Variants in ITGA1 observed in about 807,000 individuals in gnomAD.
ITGA1 encodes integrin subunit alpha 1.
Under a neutral mutation model 145.9 loss-of-function variants are expected in ITGA1, and 85 were observed. The observed-to-expected ratio is 0.58, with a 90% CI of 0.49 to 0.70. The LOEUF (loss-of-function observed/expected upper bound fraction) is 0.70, where lower values mean the gene tolerates loss of function less well. Ranked by LOEUF, ITGA1 falls within the 30% of genes least tolerant of loss-of-function variation. The pLI is 0.00. For missense variants in ITGA1, 1,351 were observed against 1,418.7 expected (o/e 0.95, Z 0.77); for synonymous variants, 520 against 495.3 (o/e 1.05, Z -0.66).
At chr5:52,885,706 G>A (rs1371438257) in intron 7 of ITGA1, among the ~76,000 whole-genome samples, 1 of 152,172 alleles carries the variant, frequency 6.6e-6, no homozygotes, top group East Asian at 1.9e-4. Context: ...GGGCTTTTAC[G>A]AGCTGAATGC....
At chr5:52,917,844 C>T (rs1418559920) in intron 15 of ITGA1, among the ~76,000 whole-genome samples, 3 of 152,210 alleles carry the variant, frequency 2.0e-5, no homozygotes, top group African/African-American at 7.2e-5. Flanking sequence ...TTTATATTTT[C>T]TATGAGTCCA....
At chr5:52,821,939 G>A (rs915214228) in intron 1 of ITGA1, among the ~76,000 whole-genome samples, 1 of 152,140 alleles carries the variant, frequency 6.6e-6, no homozygotes, top group Non-Finnish European at 1.5e-5. Flanking sequence ...TGATTTTTAT[G>A]TGTGATTTTG....
chr5:52,788,507 A>C, intron 1 of ITGA1, 93 bp downstream of exon 1: 1 of 1,075,884 alleles, frequency 9.3e-7, no homozygotes, highest in South Asian at 1.9e-5. Flanking sequence ...GCCAGATAGG[A>C]AGAGAGAGCG....
At chr5:52,811,544 A>C (rs2111685947) in intron 1 of ITGA1, among the ~76,000 whole-genome samples, 1 of 152,330 alleles carries the variant, frequency 6.6e-6, no homozygotes, top group Non-Finnish European at 1.5e-5. Context: ...TAGAAGGAGC[A>C]AATTCCAGAG....
intron 1 of ITGA1, among the ~76,000 whole-genome samples, chr5:52,840,142 A>T (rs957697312): frequency 5.9e-5 from 9 of 152,256 alleles, no homozygotes; most frequent in African/African-American, 2.2e-4. Flanking sequence ...TATAACTGGC[A>T]ATATCTTACT....
chr5:52,933,550 GAATTCAGCA>G (rs1291096265), intron 22 of ITGA1: 8 of 155,646 alleles, frequency 5.1e-5, no homozygotes, highest in African/African-American at 1.9e-4. Context: ...AATCTATTTA[GAATTCAGCA>G]TTACATTTTA....
chr5:52,845,338 C>A (rs1442608890), intron 1 of ITGA1, among the ~76,000 whole-genome samples: 1 of 152,062 alleles, frequency 6.6e-6, no homozygotes, highest in Non-Finnish European at 1.5e-5. Context: ...CTTCCATTAC[C>A]TGTATTGACA....
chr5:52,867,153 G>A (rs1412238512), intron 6 of ITGA1: 1 of 151,584 alleles, frequency 6.6e-6, no homozygotes, highest in South Asian at 2.1e-4. Flanking sequence ...ATACATACAT[G>A]TGTCTTCATG....
chr5:52,915,542 G>T lies in ITGA1; in HGVS notation c.1936G>T (p.Asp646Tyr). Residue 646 changes from aspartate to tyrosine, a missense_variant, in exon 15 of 29, where the codon GAC (aspartate) becomes TAC (tyrosine). Coordinates refer to ENST00000282588, the MANE Select transcript of ITGA1 (RefSeq NM_181501.2). Reference sequence around the variant, plus strand: ...CCACGGAGAAATGGATTTAAATGGTGACGGTCTGACAGATGTGACTATTGG... The same window carrying T: ...CCACGGAGAAATGGATTTAAATGGTTACGGTCTGACAGATGTGACTATTGG... ...SIHGEMDLNG[D>Y]GLTDVTIGGL... 1 of 1,614,054 alleles carries T rather than the reference G, an allele frequency of 6.2e-7. No homozygotes were observed. The highest frequency in any genetic ancestry group is 8.5e-7 in the Non-Finnish European group (1 of 1,179,988).
rs199753113 is a variant in ITGA1 at position 52,918,832 on chromosome 5, T to C, written c.2089T>C (p.Cys697Arg). 11 of 1,612,982 alleles carry C rather than the reference T, an allele frequency of 6.8e-6. No individual in the cohort carries two copies. Among genetic ancestry groups the C allele is most frequent in the Admixed American group, 1.7e-5 (1 of 59,858 alleles). The change falls in exon 16 of 29, where the codon TGC (cysteine) becomes CGC (arginine). Residue 697 changes from cysteine to arginine, a missense_variant. By Grantham distance (180) the Cys-to-Arg change is radical. Transcript: ENST00000282588. Reference protein sequence around the residue: ...NCHMEGKETVCINATVCFDVK... With the variant: ...NCHMEGKETVRINATVCFDVK... ...CCATATGGAGGGAAAGGAAACAGTA[T>C]GCATAAATGCTACAGTGTGTTTTGA...
rs1321874604 is a variant in ITGA1, at chr5:52,892,039, T to G, written c.925-1636T>G. ...ACTCTTCAGATGACACTGTTGAGAA[T>G]ATGAAAAGACAATCTACAGACGGGA... On this transcript the variant is annotated intron_variant, in intron 8 of 28. Transcript: ENST00000282588. Among the ~76,000 whole-genome samples, 470 of 152,222 alleles carry G rather than the reference T, an allele frequency of 3.1e-3. 2 individuals carry two copies. Among genetic ancestry groups the G allele is most frequent in the African/African-American group, 0.011 (454 of 41,556 alleles).
At position 52,953,245 on chromosome 5, in the gene ITGA1, G is replaced by C. The variant is rs1161102060; in HGVS notation, c.*794G>C. Reference sequence around the variant, plus strand: ...TAAAGTAGTTTTGTGTGGCATCACAGTGATTTGTCATGAAAAGCCATATAT... The same window carrying C: ...TAAAGTAGTTTTGTGTGGCATCACACTGATTTGTCATGAAAAGCCATATAT... On this transcript the variant is annotated 3_prime_UTR_variant, in exon 29 of 29. Coordinates refer to ENST00000282588, the MANE Select transcript of ITGA1 (RefSeq NM_181501.2). 6.6e-6 allele frequency: 1 copy of C among 152,198 alleles called. No individual in the cohort carries two copies. Among genetic ancestry groups the C allele is most frequent in the Non-Finnish European group, 1.5e-5 (1 of 68,042 alleles). 9.4% of individuals were successfully genotyped at this position (152,198 alleles called of 1,614,324 possible).
chr5:52,800,592 T>A (rs751137927), intron 1 of ITGA1: 3 of 1,613,592 alleles, frequency 1.9e-6, no homozygotes, highest in Admixed American at 1.7e-5. Flanking sequence ...CTACCCTCAC[T>A]CTCTGCGTGG....
At chr5:52,866,802 A>G (rs759071132) in intron 6 of ITGA1, among the ~76,000 whole-genome samples, 9 of 152,304 alleles carry the variant, frequency 5.9e-5, no homozygotes, top group Non-Finnish European at 1.3e-4. Context: ...CATTTGACTG[A>G]TTTAATGTTT....
intron 1 of ITGA1, chr5:52,802,220 A>G (rs1162010142): frequency 6.0e-6 from 1 of 165,542 alleles, no homozygotes; most frequent in Admixed American, 5.9e-5. Context: ...AGCTTTTGCT[A>G]TCTTATCCTG....
At chr5:52,925,561 A>C (rs1056516891) in intron 19 of ITGA1, 74 bp downstream of exon 19, 2 of 1,097,370 alleles carry the variant, frequency 1.8e-6, no homozygotes, top group Non-Finnish European at 2.7e-6. Flanking sequence ...CTACTGAGAT[A>C]ATTGCTTTTA....
intron 7 of ITGA1, among the ~76,000 whole-genome samples, chr5:52,883,629 T>TTG (rs369701311): frequency 5.9e-5 from 9 of 152,120 alleles, no homozygotes; most frequent in African/African-American, 1.7e-4. Context: ...GTTCAAAGTT[T>TTG]TGTGTGTGTG....
At chr5:52,852,355 A>G (rs1749443234) in intron 2 of ITGA1, among the ~76,000 whole-genome samples, 1 of 152,200 alleles carries the variant, frequency 6.6e-6, no homozygotes, top group Non-Finnish European at 1.5e-5. Flanking sequence ...CCTGAAAACT[A>G]GGAAATATAT....
intron 20 of ITGA1, among the ~76,000 whole-genome samples, chr5:52,928,241 A>G (rs1750842514): frequency 2.0e-5 from 3 of 152,228 alleles, no homozygotes; most frequent in Admixed American, 6.5e-5. Context: ...ACTACATAAC[A>G]TATCTAATTT....
Sources: allele counts gnomAD v4.1 joint callset (sites outside exome capture counted in the v4.1 genomes callset), GRCh38; gene constraint gnomAD v4.1.1; transcripts MANE v1.5; gene names NCBI Gene and HGNC (gene_info 2026-07-23, HGNC 2026-07-21).